The following CLVS1 variants were observed in gnomAD, a reference collection of about 807,000 sequenced individuals.
CLVS1 encodes clavesin 1, also known as clavesin-1.
A neutral mutation model predicts 33.1 loss-of-function variants in CLVS1; 10 were observed. The observed-to-expected ratio is 0.30, with a 90% CI of 0.19 to 0.51. The LOEUF (loss-of-function observed/expected upper bound fraction) is 0.51, where lower values mean the gene tolerates loss of function less well. CLVS1 is among the 20% of genes least tolerant of loss of function. The pLI is 0.97. For synonymous variants in CLVS1, 163 were observed against 166.1 expected, an observed-to-expected ratio of 0.98 and a Z score of 0.14; for missense variants, 343 against 433.4, an observed-to-expected ratio of 0.79 and a Z score of 1.85.
chr8:61,237,219 A>G (rs994544987), intron 2 of CLVS1, among the ~76,000 whole-genome samples: 6 of 152,226 alleles, frequency 3.9e-5, no homozygotes, highest in African/African-American at 1.2e-4. Context: ...GTAGCAAGCT[A>G]CTGGTCACTG....
intron 2 of CLVS1, among the ~76,000 whole-genome samples, chr8:61,227,718 T>A (rs1808359418): frequency 6.6e-6 from 1 of 151,970 alleles, no homozygotes; most frequent in South Asian, 2.1e-4. Flanking sequence ...AAAGAAGGAG[T>A]GTCATTTGGA....
At chr8:61,429,388 C>G (rs948636554) in intron 3 of CLVS1, among the ~76,000 whole-genome samples, 37 of 133,336 alleles carry the variant, frequency 2.8e-4, no homozygotes, top group African/African-American at 1.1e-3. Context: ...CCGCTGCACT[C>G]TAGCCTAGGT....
At chr8:61,348,378 G>A (rs1366927684) in intron 2 of CLVS1, among the ~76,000 whole-genome samples, 1 of 151,784 alleles carries the variant, frequency 6.6e-6, no homozygotes, top group Non-Finnish European at 1.5e-5. Flanking sequence ...TATACCTAAT[G>A]TAAATGATGA....
intron 2 of CLVS1, among the ~76,000 whole-genome samples, chr8:61,270,736 C>G (rs375588292): frequency 1.2e-3 from 183 of 151,508 alleles, no homozygotes; most frequent in East Asian, 3.7e-3. Flanking sequence ...TCCTGGTTTA[C>G]TCTTGGGAGA....
rs957923102 is a variant in CLVS1, at chr8:61,257,235, T to C, written c.-151-42442T>C. 3.9e-5 allele frequency among the ~76,000 whole-genome samples: 6 copies of C among 152,164 alleles called. 1 individual carries two copies. Among genetic ancestry groups the C allele is most frequent in the African/African-American group, 1.4e-4 (6 of 41,428 alleles). ...CTAATTGAGTAGACAAGACTTTTCT[T>C]TTGCAGCAACCAAATACTGATAAAA... On this transcript the variant is annotated intron_variant, in intron 2 of 2. Transcript: ENST00000522621.
chr8:61,206,173 T>C (rs530572334), intron 2 of CLVS1, among the ~76,000 whole-genome samples: 1 of 152,352 alleles, frequency 6.6e-6, no homozygotes, highest in African/African-American at 2.4e-5. Context: ...ATCCTGAGAA[T>C]ACTGTTAAAT....
intron 2 of CLVS1, among the ~76,000 whole-genome samples, chr8:61,140,558 T>G (rs1335039212): frequency 6.6e-6 from 1 of 151,984 alleles, no homozygotes; most frequent in Non-Finnish European, 1.5e-5. Context: ...TTTATTTTAT[T>G]TTTTATTTGT....
chr8:61,345,638 A>ATGTGTGTGTGTGTG (rs1004446368), intron 2 of CLVS1, among the ~76,000 whole-genome samples: 4 of 130,402 alleles, frequency 3.1e-5, no homozygotes, highest in East Asian at 2.1e-4. Context: ...GTGTGTGTGT[A>ATGTGTGTGTGTGTG]TGTGTGTGTG....
the CLVS1 span, among the ~76,000 whole-genome samples, chr8:60,982,184 A>G: frequency 2.0e-5 from 3 of 152,246 alleles, no homozygotes; most frequent in Non-Finnish European, 2.9e-5. Flanking sequence ...AAGCTAATTA[A>G]ATCACAATAA....
At chr8:61,317,511 T>C (rs1811054236) in intron 2 of CLVS1, among the ~76,000 whole-genome samples, 1 of 152,150 alleles carries the variant, frequency 6.6e-6, no homozygotes, top group Non-Finnish European at 1.5e-5. Flanking sequence ...TAATGAGCAA[T>C]AAAAATGTTC....
intron 3 of CLVS1, among the ~76,000 whole-genome samples, chr8:61,409,173 G>C (rs969528487): frequency 1.3e-5 from 2 of 152,090 alleles, no homozygotes; most frequent in African/African-American, 4.8e-5. Flanking sequence ...AAACATTTTT[G>C]AATAGGTAAT....
At chr8:61,475,722 A>G (rs1817900518) in intron 5 of CLVS1, among the ~76,000 whole-genome samples, 1 of 152,170 alleles carries the variant, frequency 6.6e-6, no homozygotes, top group South Asian at 2.1e-4. Flanking sequence ...GTAGGTTGCA[A>G]AACTTTTCTC....
At chr8:61,493,930 G>A (rs986002101) in intron 5 of CLVS1, among the ~76,000 whole-genome samples, 2 of 152,162 alleles carry the variant, frequency 1.3e-5, no homozygotes, top group Admixed American at 6.5e-5. Flanking sequence ...GTGAATGCCT[G>A]GGGTTGGAGA....
At chr8:61,260,709 G>C (rs1414596883) in intron 2 of CLVS1, among the ~76,000 whole-genome samples, 1 of 152,136 alleles carries the variant, frequency 6.6e-6, no homozygotes. Flanking sequence ...ATATTGACAG[G>C]CTCCTAGGGC....
At chr8:61,168,141 T>C (rs1404965339) in intron 2 of CLVS1, among the ~76,000 whole-genome samples, 1 of 152,118 alleles carries the variant, frequency 6.6e-6, no homozygotes, top group Non-Finnish European at 1.5e-5. Flanking sequence ...GACTACCACA[T>C]AAAGAGATCT....
intron 3 of CLVS1, among the ~76,000 whole-genome samples, chr8:61,394,074 C>T (rs111653314): frequency 9.2e-5 from 14 of 152,154 alleles, no homozygotes; most frequent in Admixed American, 1.3e-4. Flanking sequence ...TAGCCTGGCA[C>T]GGTGGCTCAC....
At chr8:61,467,923 C>T (rs1460101393) in intron 5 of CLVS1, among the ~76,000 whole-genome samples, 2 of 152,088 alleles carry the variant, frequency 1.3e-5, no homozygotes, top group African/African-American at 2.4e-5. Context: ...CTCTTCTGTC[C>T]CCCACAGGGT....
chr8:61,447,024 T>C (rs1198398858), intron 3 of CLVS1, among the ~76,000 whole-genome samples: 3 of 152,176 alleles, frequency 2.0e-5, no homozygotes, highest in Admixed American at 1.3e-4. Context: ...TCTTTGTGTA[T>C]GTTCTATGTG....
rs765708736 is a variant in CLVS1, at chr8:61,288,154, T to A, written c.-152+16T>A. ...CCGTGTGAAGGTATTTGTTACCTTT[T>A]TTCTCCCCTCTGTATTTGCCGAGCC... On this transcript the variant is annotated intron_variant, in intron 1 of 5. Transcript: ENST00000325897. The A allele has an allele frequency of 2.0e-5, 9 of 456,250 alleles. No individual in the cohort carries two copies. The highest frequency in any genetic ancestry group is 2.2e-5 in the Non-Finnish European group (5 of 226,966). 28.3% of individuals were successfully genotyped at this position (456,250 alleles called of 1,614,324 possible). A position where few individuals can be genotyped will look rare whatever the true frequency, so the allele number is the denominator to read the frequency against.
Sources: allele counts gnomAD v4.1 joint callset (sites outside exome capture counted in the v4.1 genomes callset), GRCh38; gene constraint gnomAD v4.1.1; transcripts MANE v1.5; gene names NCBI Gene and HGNC (gene_info 2026-07-23, HGNC 2026-07-21).